CUL5: variants seen among roughly 807,000 people sequenced by gnomAD.
CUL5 encodes cullin-5.
A neutral mutation model predicts 108.8 loss-of-function variants in CUL5; 26 were observed. The observed-to-expected ratio is 0.24, with a 90% CI of 0.18 to 0.33. CUL5 has a LOEUF of 0.33. Ranked by LOEUF, CUL5 falls within the 10% of genes least tolerant of loss-of-function variation. The pLI is 1.00. For missense variants in CUL5, 524 were observed against 909.2 expected (o/e 0.58, Z 5.45); for synonymous variants, 334 against 298.0 (o/e 1.12, Z -1.25).
chr11:108,013,013 G>T (rs1040847039), intron 1 of CUL5, among the ~76,000 whole-genome samples: 1 of 152,092 alleles, frequency 6.6e-6, no homozygotes, highest in East Asian at 1.9e-4. Flanking sequence ...TTAACTTAAT[G>T]ATATGGCTTA....
Position 108,105,523 on chromosome 11 carries a change from C to T in CUL5, c.*1139C>T, listed in dbSNP as rs1864776216. 1 of 152,284 alleles carries T rather than the reference C, an allele frequency of 6.6e-6. No individual in the cohort carries two copies. Among genetic ancestry groups the T allele is most frequent in the African/African-American group, 2.4e-5 (1 of 41,366 alleles). 9.4% of individuals were successfully genotyped at this position (152,284 alleles called of 1,614,324 possible). A position where few individuals can be genotyped will look rare whatever the true frequency, so the allele number is the denominator to read the frequency against. On this transcript the variant is annotated 3_prime_UTR_variant, in exon 19 of 19. Coordinates refer to ENST00000393094, the MANE Select transcript of CUL5 (RefSeq NM_003478.6). ...GCAGTAAACTTGCCAAATATATGTA[C>T]ATATATATTTATATATTTTAAAAAT...
At chr11:108,061,179 G>A (rs1863523413) in intron 7 of CUL5, among the ~76,000 whole-genome samples, 1 of 152,198 alleles carries the variant, frequency 6.6e-6, no homozygotes, top group Admixed American at 6.5e-5. Flanking sequence ...CAAGGTGAGA[G>A]AGATGGCTTA....
At chr11:108,078,675 G>C (rs1863997756) in intron 11 of CUL5, among the ~76,000 whole-genome samples, 1 of 152,136 alleles carries the variant, frequency 6.6e-6, no homozygotes, top group Admixed American at 6.5e-5. Flanking sequence ...TCTGACAACT[G>C]GAATCTGAGC....
intron 1 of CUL5, among the ~76,000 whole-genome samples, chr11:108,030,247 A>G (rs980526772): frequency 2.6e-5 from 4 of 152,250 alleles, no homozygotes; most frequent in South Asian, 2.1e-4. Context: ...TGATTCATTT[A>G]AGTCCATAAG....
intron 16 of CUL5, among the ~76,000 whole-genome samples, chr11:108,097,027 T>G (rs571137269): frequency 6.6e-5 from 10 of 152,204 alleles, no homozygotes; most frequent in Admixed American, 5.2e-4. Flanking sequence ...AGTTCCAGGT[T>G]TTTTTGTTGA....
At chr11:108,027,224 G>A (rs1381042137) in intron 1 of CUL5, among the ~76,000 whole-genome samples, 2 of 150,744 alleles carry the variant, frequency 1.3e-5, no homozygotes, top group Non-Finnish European at 2.9e-5. Context: ...TGCAACCTCC[G>A]CCTCCAGGCC....
intron 7 of CUL5, among the ~76,000 whole-genome samples, chr11:108,057,716 A>T (rs1863422388): frequency 6.6e-6 from 1 of 152,206 alleles, no homozygotes; most frequent in African/African-American, 2.4e-5. Context: ...TGTGGATAGG[A>T]TCCTGGAATA....
At chr11:108,085,432 G>T (rs577865060) in intron 11 of CUL5, among the ~76,000 whole-genome samples, 5 of 151,912 alleles carry the variant, frequency 3.3e-5, no homozygotes, top group African/African-American at 1.2e-4. Context: ...GGAAGGGGGG[G>T]ATGGGAAGTT....
At chr11:108,093,457 C>T (rs1201057298) in intron 13 of CUL5, among the ~76,000 whole-genome samples, 1 of 152,204 alleles carries the variant, frequency 6.6e-6, no homozygotes, top group Non-Finnish European at 1.5e-5. Context: ...GTCAGCCTTA[C>T]TACCACAGTC....
Position 108,078,181 on chromosome 11 carries a change from TA to T in CUL5, c.1122del (p.Ala375GlnfsTer15). 1 of 1,556,732 alleles carries T rather than the reference TA, an allele frequency of 6.4e-7. No homozygotes were observed. The highest frequency in any genetic ancestry group is 8.7e-7 in the Non-Finnish European group (1 of 1,144,580). On this transcript the variant is annotated frameshift_variant, in exon 11 of 19. Coordinates refer to ENST00000393094, the MANE Select transcript of CUL5 (RefSeq NM_003478.6). LOFTEE classifies it high-confidence loss of function. Reference protein sequence around the residue: ...RFLTARDKAYKAVVNDATIFK... With the variant: ...RFLTARDKAYXAVVNDATIFK... Reference sequence around the variant, plus strand: ...TTCCAAATTATTTTTTGCAGGCGTATAAAGCAGTTGTTAATGATGCTACCAT... The same window carrying T: ...TTCCAAATTATTTTTTGCAGGCGTATAAGCAGTTGTTAATGATGCTACCAT...
intron 7 of CUL5, among the ~76,000 whole-genome samples, chr11:108,066,430 T>C (rs1863681033): frequency 6.6e-6 from 1 of 152,192 alleles, no homozygotes; most frequent in Non-Finnish European, 1.5e-5. Context: ...TCTAACTTAA[T>C]ATTGTCCAGC....
At chr11:108,087,793 C>A (rs1864257394) in intron 11 of CUL5, among the ~76,000 whole-genome samples, 1 of 152,056 alleles carries the variant, frequency 6.6e-6, no homozygotes, top group Non-Finnish European at 1.5e-5. Flanking sequence ...GGCAAAACCC[C>A]ATCTGTGCTA....
At chr11:108,089,038 T>C (rs1434219856) in intron 12 of CUL5, among the ~76,000 whole-genome samples, 2 of 152,218 alleles carry the variant, frequency 1.3e-5, no homozygotes, top group East Asian at 3.9e-4. Flanking sequence ...GTAGATTAAG[T>C]AGTTGTTTTC....
At chr11:108,055,617 A>G (rs954691464) in intron 7 of CUL5, among the ~76,000 whole-genome samples, 5 of 141,476 alleles carry the variant, frequency 3.5e-5, no homozygotes, top group Non-Finnish European at 4.5e-5. Flanking sequence ...ACTAATAAAT[A>G]TATATATATA....
At chr11:108,059,315 G>T (rs545543929) in intron 7 of CUL5, among the ~76,000 whole-genome samples, 2 of 152,272 alleles carry the variant, frequency 1.3e-5, no homozygotes, top group South Asian at 2.1e-4. Context: ...GCTAGTTGGG[G>T]ATAATAAGAT....
In CUL5 at chr11:108,038,581, A is replaced by G. The variant is rs1442782095; in HGVS notation, c.134+4670A>G. On this transcript the variant is annotated intron_variant, in intron 2 of 18. Transcript: ENST00000393094. ...TTCCAGCTACTTGGGAGGCTGAGGC[A>G]GGATAATCACTTGAATCCGGCAGGC... Among the ~76,000 whole-genome samples, 4 of 151,994 alleles carry G rather than the reference A, an allele frequency of 2.6e-5. No homozygotes were observed. The South Asian group carries it at 8.3e-4, about 32-fold the overall frequency.
intron 11 of CUL5, among the ~76,000 whole-genome samples, chr11:108,079,178 A>C (rs1864008826): frequency 6.6e-6 from 1 of 152,208 alleles, no homozygotes; most frequent in Admixed American, 6.5e-5. Context: ...ACCTCAGCTC[A>C]CTGCAACCTT....
intron 1 of CUL5, among the ~76,000 whole-genome samples, chr11:108,031,821 A>G (rs1862591485): frequency 6.6e-6 from 1 of 152,220 alleles, no homozygotes; most frequent in Non-Finnish European, 1.5e-5. Flanking sequence ...CATATACACC[A>G]TGGAATACTA....
At chr11:108,090,841 G>T (rs181969617) in intron 13 of CUL5, among the ~76,000 whole-genome samples, 1 of 152,056 alleles carries the variant, frequency 6.6e-6, no homozygotes, top group African/African-American at 2.4e-5. Flanking sequence ...CTAGCCCTTC[G>T]CATGGAACTT....
Sources: gnomAD v4.1 joint callset for allele counts (sites outside exome capture counted in the v4.1 genomes callset) on GRCh38, gnomAD v4.1.1 for gene constraint, MANE v1.5 for transcripts, NCBI Gene and HGNC (gene_info 2026-07-23, HGNC 2026-07-21) for gene names.